The following COPG2 variants were observed in gnomAD, a reference collection of about 807,000 sequenced individuals.
COPG2 encodes the protein coatomer subunit gamma-2.
Under a neutral mutation model 46.3 loss-of-function variants are expected in COPG2, and 37 were observed. The observed-to-expected ratio is 0.80, with a 90% confidence interval of 0.61 to 1.05. The LOEUF (loss-of-function observed/expected upper bound fraction) is 1.05. Ranked by LOEUF, COPG2 falls within the 50% of genes least tolerant of loss-of-function variation. The probability of loss-of-function intolerance (pLI) is 0.00; values close to 1 mark genes in which losing one functional copy is unlikely to be tolerated. For synonymous variants in COPG2, 159 were observed against 129.7 expected (o/e 1.23, Z -1.53); for missense variants, 427 against 387.8 (o/e 1.10, Z -0.85).
intron 5 of COPG2, among the ~76,000 whole-genome samples, chr7:130,640,751 T>G (rs1795449417): frequency 6.6e-6 from 1 of 152,270 alleles, no homozygotes; most frequent in East Asian, 1.9e-4. Context: ...TTAACACACC[T>G]TTCTCCACTT....
chr7:130,605,496 T>C (rs1794710540), intron 9 of COPG2, among the ~76,000 whole-genome samples: 1 of 152,160 alleles, frequency 6.6e-6, no homozygotes, highest in African/African-American at 2.4e-5. Context: ...GAAAGGCAAA[T>C]CAGAGAGATT....
intron 5 of COPG2, among the ~76,000 whole-genome samples, chr7:130,651,984 T>C (rs551748570): frequency 6.6e-4 from 100 of 152,314 alleles, no homozygotes; most frequent in African/African-American, 2.3e-3. Context: ...CTATATGGAA[T>C]ACGTAGATTG....
intron 20 of COPG2, among the ~76,000 whole-genome samples, chr7:130,537,146 C>T (rs1469289315): frequency 5.3e-5 from 8 of 152,102 alleles, no homozygotes; most frequent in African/African-American, 1.9e-4. Flanking sequence ...AAAGACAAAA[C>T]TACTCTGGTG....
intron 9 of COPG2, among the ~76,000 whole-genome samples, chr7:130,600,371 G>A (rs1356039432): frequency 1.3e-5 from 2 of 151,974 alleles, no homozygotes; most frequent in South Asian, 2.1e-4. Context: ...AGAGATTCTC[G>A]TGCCTTAACC....
chr7:130,659,900 A>G (rs1795941582), intron 4 of COPG2, among the ~76,000 whole-genome samples: 1 of 152,214 alleles, frequency 6.6e-6, no homozygotes, highest in Non-Finnish European at 1.5e-5. Context: ...CGACAACTCA[A>G]AAACAACAAC....
At chr7:130,548,917 CAA>C (rs1397008620) in intron 18 of COPG2, among the ~76,000 whole-genome samples, 1 of 122,458 alleles carries the variant, frequency 8.2e-6, no homozygotes, top group African/African-American at 3.1e-5. Context: ...GACTCTGTCT[CAA>C]AAAAAAAAAA....
At chr7:130,596,230 T>C (rs782277919) in intron 9 of COPG2, among the ~76,000 whole-genome samples, 2 of 152,198 alleles carry the variant, frequency 1.3e-5, no homozygotes, top group Non-Finnish European at 2.9e-5. Flanking sequence ...CTGACCTTGG[T>C]TGGGAACTGT....
At chr7:130,589,498 T>C (rs1199556713) in intron 9 of COPG2, among the ~76,000 whole-genome samples, 1 of 152,094 alleles carries the variant, frequency 6.6e-6, no homozygotes, top group African/African-American at 2.4e-5. Context: ...TTGGCGGGGC[T>C]AGTCTTGAAC....
At chr7:130,573,183 CTAA>C (rs1369020766) in intron 9 of COPG2, among the ~76,000 whole-genome samples, 3 of 147,026 alleles carry the variant, frequency 2.0e-5, no homozygotes, top group Non-Finnish European at 4.5e-5. Context: ...TAAATAATTT[CTAA>C]TGAGTTAGTT....
intron 20 of COPG2, among the ~76,000 whole-genome samples, chr7:130,529,443 GA>G (rs2116356656): frequency 6.6e-6 from 1 of 152,326 alleles, no homozygotes; most frequent in African/African-American, 2.4e-5. Flanking sequence ...AAAAAGGACA[GA>G]AGGTGCATGA....
intron 9 of COPG2, among the ~76,000 whole-genome samples, chr7:130,590,268 C>T (rs1392006477): frequency 3.3e-5 from 5 of 151,714 alleles, no homozygotes; most frequent in African/African-American, 1.2e-4. Context: ...CCACGGTCTC[C>T]CTCTCCCTCT....
intron 20 of COPG2, chr7:130,510,238 TG>T (rs782247932): frequency 1.9e-6 from 1 of 519,806 alleles, no homozygotes. Context: ...ACGATGGCAG[TG>T]GGTTTTCCCA....
chr7:130,582,809 C>T (rs1193241801), intron 9 of COPG2, among the ~76,000 whole-genome samples: 4 of 151,684 alleles, frequency 2.6e-5, no homozygotes, highest in Non-Finnish European at 4.4e-5. Flanking sequence ...TACCATCTCA[C>T]AACAGTTAGA....
intron 9 of COPG2, among the ~76,000 whole-genome samples, chr7:130,597,277 T>C (rs1463213835): frequency 6.6e-6 from 1 of 152,124 alleles, no homozygotes; most frequent in Non-Finnish European, 1.5e-5. Context: ...CTTAGGGAGG[T>C]GGCCAGTGGG....
chr7:130,555,743 T>C (rs1793611075), intron 12 of COPG2, among the ~76,000 whole-genome samples: 1 of 152,104 alleles, frequency 6.6e-6, no homozygotes, highest in Non-Finnish European at 1.5e-5. Flanking sequence ...GACATGAGAA[T>C]TGGTTGAACC....
At chr7:130,647,631 T>C (rs1338067121) in intron 5 of COPG2, among the ~76,000 whole-genome samples, 2 of 152,200 alleles carry the variant, frequency 1.3e-5, no homozygotes, top group Non-Finnish European at 2.9e-5. Context: ...GGAGTTTCAA[T>C]TGTTCCAAAT....
chr7:130,517,616 T>C, intron 20 of COPG2, among the ~76,000 whole-genome samples: 1 of 152,370 alleles, frequency 6.6e-6, no homozygotes, highest in Middle Eastern at 3.4e-3. Flanking sequence ...AGTTTGTCTG[T>C]AGAGGAAATT....
At chr7:130,663,452 T>C (rs149365357) in intron 3 of COPG2, among the ~76,000 whole-genome samples, 1,552 of 152,194 alleles carry the variant, frequency 0.01, 13 homozygotes, top group Non-Finnish European at 0.016. Flanking sequence ...CATGGGAGCA[T>C]AATAAATATT....
Position 130,625,850 on chromosome 7 carries a change from A to G in COPG2, c.324-8785T>C, listed in dbSNP as rs1795111174. 2.6e-5 allele frequency among the ~76,000 whole-genome samples: 4 copies of G among 151,898 alleles called. No homozygotes were observed. In the South Asian group the frequency reaches 6.2e-4, roughly 24 times the overall value. ...TGAATTACTTTGTTGTTCTTTACCTAGTTTTTTTGAGCTAAGAATTTAATT... is the reference window on the plus strand; with the variant it reads ...TGAATTACTTTGTTGTTCTTTACCTGGTTTTTTTGAGCTAAGAATTTAATT... On this transcript the variant is annotated intron_variant, in intron 5 of 23. Coordinates refer to ENST00000425248, the MANE Select transcript of COPG2 (RefSeq NM_012133.6).
Sources: allele counts gnomAD v4.1 joint callset (sites outside exome capture counted in the v4.1 genomes callset), GRCh38; gene constraint gnomAD v4.1.1; transcripts MANE v1.5; gene names NCBI Gene and HGNC (gene_info 2026-07-23, HGNC 2026-07-21).